SPAG9: variants seen among roughly 807,000 people sequenced by gnomAD.
SPAG9 encodes sperm associated antigen 9.
SPAG9 carries 35 observed loss-of-function variants against 166.5 expected under a neutral mutation model. The ratio of observed to expected loss-of-function variants is 0.21; its 90% CI spans 0.16 to 0.28. The LOEUF is 0.28. Among genes scored for constraint, SPAG9 ranks in the 10% least tolerant of loss-of-function variants. The probability of loss-of-function intolerance (pLI) is 1.00; values close to 1 mark genes in which losing one functional copy is unlikely to be tolerated. For synonymous variants in SPAG9, 534 were observed against 565.5 expected (o/e 0.94, Z 0.79); for missense variants, 1,235 against 1,603.3 (o/e 0.77, Z 3.92).
intron 5 of SPAG9, among the ~76,000 whole-genome samples, chr17:51,039,242 G>C (rs2046737279): frequency 6.6e-6 from 1 of 152,146 alleles, no homozygotes; most frequent in African/African-American, 2.4e-5. Flanking sequence ...CAGGGGAAAT[G>C]ATATTTTAAA....
Position 51,046,801 on chromosome 17 carries a change from G to T in SPAG9, c.590+574C>A. ...CAGCAGCAGCTTTCCACTCCATCCT[G>T]CAGCAGCTCCCAAGCGATGACGTCA... On this transcript the variant is annotated intron_variant, in intron 4 of 29. Transcript: ENST00000262013. 2.0e-6 allele frequency: 3 copies of T among 1,533,934 alleles called. No individual in the cohort carries two copies. The South Asian group carries it at 3.6e-5, about 18-fold the overall frequency.
At chr17:51,077,103 TAG>T (rs1385494503) in intron 2 of SPAG9, among the ~76,000 whole-genome samples, 37 of 138,484 alleles carry the variant, frequency 2.7e-4, no homozygotes, top group African/African-American at 9.3e-4. Flanking sequence ...TCTATCTAGC[TAG>T]CTATCTAGCT....
Position 51,077,069 on chromosome 17 carries a change from GCTATCTAGCTAT to G in SPAG9, c.424+2503_424+2514del, listed in dbSNP as rs1568065651. ...AGCTATCTAGCTAGCTATCTAGCTA[GCTATCTAGCTAT>G]CTAGCTAGCTATCTATCTAGCTAGC... On this transcript the variant is annotated intron_variant, in intron 2 of 29. Coordinates refer to ENST00000262013, the MANE Select transcript of SPAG9 (RefSeq NM_001130528.3). Among the ~76,000 whole-genome samples, 270 of 120,940 alleles carry G rather than the reference GCTATCTAGCTAT, an allele frequency of 2.2e-3. 3 individuals carry two copies. Among genetic ancestry groups the G allele is most frequent in the African/African-American group, 6.8e-3 (207 of 30,536 alleles). The allele number at this position is 120,940 out of a possible 152,430, so 79.3% of individuals were successfully genotyped here. A position where few individuals can be genotyped will look rare whatever the true frequency, so the allele number is the denominator to read the frequency against.
At chr17:51,026,389 T>C (rs1292953976) in intron 6 of SPAG9, among the ~76,000 whole-genome samples, 1 of 149,462 alleles carries the variant, frequency 6.7e-6, no homozygotes, top group Non-Finnish European at 1.5e-5. Flanking sequence ...GGGACCATGA[T>C]ACCTCAGCAA....
intron 1 of SPAG9, among the ~76,000 whole-genome samples, chr17:51,098,043 C>T (rs564153283): frequency 2.0e-5 from 3 of 152,270 alleles, no homozygotes; most frequent in African/African-American, 7.2e-5. Flanking sequence ...AGGCTGGTTT[C>T]AAACTCCTGG....
intron 9 of SPAG9, among the ~76,000 whole-genome samples, chr17:51,011,931 T>C (rs577186070): frequency 6.6e-6 from 1 of 152,210 alleles, no homozygotes; most frequent in Non-Finnish European, 1.5e-5. Flanking sequence ...TTCTAAATAC[T>C]TCATAAGAAA....
intron 9 of SPAG9, 71 bp from the exon 10 acceptor site, chr17:51,007,397 C>T (rs2045273223): frequency 2.6e-6 from 2 of 782,642 alleles, no homozygotes; most frequent in Admixed American, 2.6e-5. Context: ...AAAATATAAG[C>T]TATAGTCACA....
At chr17:51,071,116 T>C (rs2047810378) in intron 2 of SPAG9, among the ~76,000 whole-genome samples, 1 of 152,144 alleles carries the variant, frequency 6.6e-6, no homozygotes, top group South Asian at 2.1e-4. Context: ...GACCATATCA[T>C]ACTCTTGTGT....
intron 1 of SPAG9, among the ~76,000 whole-genome samples, chr17:51,083,721 T>C (rs775723211): frequency 6.6e-6 from 1 of 151,978 alleles, no homozygotes; most frequent in Non-Finnish European, 1.5e-5. Context: ...ATGTTTAACT[T>C]TCCTGATCTT....
intron 1 of SPAG9, among the ~76,000 whole-genome samples, chr17:51,090,210 C>T (rs1000572208): frequency 3.3e-5 from 5 of 151,884 alleles, no homozygotes; most frequent in African/African-American, 7.3e-5. Flanking sequence ...ATTCACAAAG[C>T]GAGTAAAAAA....
chr17:51,066,261 C>A (rs139183727), intron 2 of SPAG9, among the ~76,000 whole-genome samples: 2 of 152,028 alleles, frequency 1.3e-5, no homozygotes, highest in East Asian at 1.9e-4. Context: ...CAGGCGTGTG[C>A]CACCAGGCCA....
At position 50,979,773 on chromosome 17, in the gene SPAG9, T is replaced by C. The variant is rs1222426408; in HGVS notation, c.3382A>G (p.Ile1128Val). The C allele has an allele frequency of 8.7e-6, 14 of 1,612,694 alleles. No individual in the cohort carries two copies. The highest frequency in any genetic ancestry group is 2.2e-5 in the East Asian group (1 of 44,848). ...HTYQHLQDVD[I>V]EPYVSKMLGT... ...AACATTTTGCTTACATAAGGCTCAA[T>C]GTCCACATCCTGTAGATGTTGATAA... The change falls in exon 26 of 30, where the codon ATT (isoleucine) becomes GTT (valine). Residue 1128 changes from isoleucine to valine, a missense_variant. Around this residue, in one of 6 missense-constraint regions of SPAG9, gnomAD observed 243 missense variants for 358.6 expected, o/e 0.68. Transcript: ENST00000262013.
intron 20 of SPAG9, chr17:50,990,158 G>C: frequency 1.9e-6 from 1 of 518,602 alleles, no homozygotes; most frequent in Non-Finnish European, 3.5e-6. Context: ...CTCCCGAGTA[G>C]CTGGGACTAC....
At chr17:51,104,070 G>C (rs192891693) in intron 1 of SPAG9, among the ~76,000 whole-genome samples, 16 of 152,298 alleles carry the variant, frequency 1.1e-4, no homozygotes, top group African/African-American at 3.1e-4. Flanking sequence ...GGAAGAGTTA[G>C]GGATGGTAAC....
chr17:51,013,022 C>T (rs1158435280), intron 9 of SPAG9, among the ~76,000 whole-genome samples: 3 of 152,120 alleles, frequency 2.0e-5, no homozygotes, highest in African/African-American at 7.2e-5. Context: ...TGAGCCACTG[C>T]AACCGGCCTA....
At chr17:51,069,489 C>T (rs958116588) in intron 2 of SPAG9, among the ~76,000 whole-genome samples, 4 of 151,984 alleles carry the variant, frequency 2.6e-5, no homozygotes, top group African/African-American at 9.7e-5. Context: ...TGAAATGATA[C>T]TTGGCAACTT....
intron 20 of SPAG9, 69 bp downstream of exon 20, chr17:50,990,381 G>A: frequency 8.8e-7 from 1 of 1,138,270 alleles, no homozygotes. Flanking sequence ...TCTAAATTAA[G>A]TCCATAATGA....
chr17:51,092,741 C>G (rs1347722663), intron 1 of SPAG9, among the ~76,000 whole-genome samples: 1 of 138,370 alleles, frequency 7.2e-6, no homozygotes, highest in East Asian at 2.1e-4. Context: ...TAGAGAGACC[C>G]TTGTCTCTAC....
chr17:51,048,515 G>A (rs904334411), intron 3 of SPAG9, among the ~76,000 whole-genome samples: 68 of 151,818 alleles, frequency 4.5e-4, no homozygotes, highest in African/African-American at 1.6e-3. Context: ...GCTGTACATA[G>A]AATAGCTTTG....
Sources: gnomAD v4.1 joint callset for allele counts (sites outside exome capture counted in the v4.1 genomes callset) on GRCh38, gnomAD v4.1.1 for gene constraint, gnomAD v4.1.1 regional missense constraint, MANE v1.5 for transcripts, NCBI Gene and HGNC (gene_info 2026-07-23, HGNC 2026-07-21) for gene names.